CNTNAP2: variants seen among roughly 807,000 people sequenced by gnomAD.
CNTNAP2 encodes the protein contactin associated protein 2.
A neutral mutation model predicts 155.2 loss-of-function variants in CNTNAP2; 98 were observed. The ratio of observed to expected loss-of-function variants is 0.63; its 90% CI spans 0.54 to 0.75. The LOEUF (loss-of-function observed/expected upper bound fraction) is 0.75, where lower values mean the gene tolerates loss of function less well. CNTNAP2 is among the 30% of genes least tolerant of loss of function. CNTNAP2 has a pLI of 0.00. For synonymous variants in CNTNAP2, 651 were observed against 631.2 expected, an observed-to-expected ratio of 1.03 and a Z score of -0.47; for missense variants, 1,727 against 1,688.1, an observed-to-expected ratio of 1.02 and a Z score of -0.40.
chr7:146,154,944 AT>A (rs1260965256), intron 1 of CNTNAP2, among the ~76,000 whole-genome samples: 3 of 152,202 alleles, frequency 2.0e-5, no homozygotes, highest in African/African-American at 7.2e-5. Context: ...GAAATTGTAT[AT>A]CTGGGATTTG....
At chr7:146,433,963 G>A (rs1796207157) in intron 1 of CNTNAP2, among the ~76,000 whole-genome samples, 1 of 152,078 alleles carries the variant, frequency 6.6e-6, no homozygotes, top group Non-Finnish European at 1.5e-5. Flanking sequence ...TTGCTGGAAA[G>A]AAAATAATGG....
At chr7:147,918,717 A>G (rs1800206323) in intron 14 of CNTNAP2, among the ~76,000 whole-genome samples, 1 of 152,194 alleles carries the variant, frequency 6.6e-6, no homozygotes. Context: ...ACCCTTATGC[A>G]GGAGGAATAA....
chr7:148,010,309 C>T (rs1802054123), intron 15 of CNTNAP2, among the ~76,000 whole-genome samples: 1 of 151,494 alleles, frequency 6.6e-6, no homozygotes, highest in African/African-American at 2.4e-5. Context: ...TAATCTTTGT[C>T]TTGTCTTTTT....
chr7:148,267,078 G>T lies in CNTNAP2; in HGVS notation c.3427G>T (p.Asp1143Tyr). The T allele has an allele frequency of 6.2e-7, 1 of 1,614,148 alleles. No homozygotes were observed. Among genetic ancestry groups the T allele is most frequent in the Non-Finnish European group, 8.5e-7 (1 of 1,180,024 alleles). The change falls in exon 21 of 24, where the codon GAC becomes TAC. Residue 1143 changes from aspartate to tyrosine, a missense_variant. Transcript: ENST00000361727. ...SVSYHLPSSS[D>Y]TLFNSPKSLF... is the part of the protein sequence containing the mutation. ...GAGTTACCATCTGCCAAGTTCATCC[G>T]ACACCCTCTTCAATTCTCCCAAGTC...
chr7:147,984,302 G>GAACT (rs1801580771), intron 15 of CNTNAP2, among the ~76,000 whole-genome samples: 1 of 152,168 alleles, frequency 6.6e-6, no homozygotes, highest in African/African-American at 2.4e-5. Flanking sequence ...CTGTGACTTA[G>GAACT]AACTTCTAAC....
At chr7:147,317,656 T>C (rs541733234) in intron 9 of CNTNAP2, among the ~76,000 whole-genome samples, 44 of 152,248 alleles carry the variant, frequency 2.9e-4, no homozygotes, top group Middle Eastern at 3.4e-3. Flanking sequence ...TAAGGTCAGG[T>C]TCTTTAGTTT....
At chr7:147,981,651 C>G (rs577274369) in intron 15 of CNTNAP2, among the ~76,000 whole-genome samples, 1 of 152,278 alleles carries the variant, frequency 6.6e-6, no homozygotes, top group South Asian at 2.1e-4. Context: ...TTTCATCATG[C>G]CTGCTGAGTT....
intron 1 of CNTNAP2, among the ~76,000 whole-genome samples, chr7:146,570,961 T>C (rs1798431698): frequency 6.6e-6 from 1 of 152,114 alleles, no homozygotes; most frequent in Non-Finnish European, 1.5e-5. Context: ...AGAAAATACT[T>C]AGGTTCCACT....
intron 15 of CNTNAP2, among the ~76,000 whole-genome samples, chr7:148,075,224 G>A (rs1001416212): frequency 3.3e-5 from 5 of 152,142 alleles, no homozygotes; most frequent in African/African-American, 9.7e-5. Context: ...ATCACCTGAC[G>A]TTAGGAGTTC....
At chr7:146,572,348 C>T (rs1798455027) in intron 1 of CNTNAP2, among the ~76,000 whole-genome samples, 1 of 151,122 alleles carries the variant, frequency 6.6e-6, no homozygotes, top group East Asian at 2.0e-4. Flanking sequence ...GCAATGCCTC[C>T]TGAGTTTGAA....
chr7:146,457,540 A>G (rs143721542), intron 1 of CNTNAP2, among the ~76,000 whole-genome samples: 3,570 of 121,492 alleles, frequency 0.029, 173 homozygotes, highest in African/African-American at 0.083. Context: ...ATATATAGTC[A>G]CCCAGGCTGG....
chr7:148,107,390 C>T (rs2116591363), intron 15 of CNTNAP2, among the ~76,000 whole-genome samples: 1 of 152,286 alleles, frequency 6.6e-6, no homozygotes, highest in Admixed American at 6.5e-5. Flanking sequence ...ATGTTGTTGA[C>T]TCCTCCCGCA....
intron 15 of CNTNAP2, among the ~76,000 whole-genome samples, chr7:147,981,965 C>T (rs1218356711): frequency 1.3e-5 from 2 of 151,978 alleles, no homozygotes; most frequent in Non-Finnish European, 1.5e-5. Context: ...TTAAACTACA[C>T]GTACGCACCT....
intron 9 of CNTNAP2, among the ~76,000 whole-genome samples, chr7:147,384,451 C>G (rs756113982): frequency 9.9e-5 from 15 of 152,032 alleles, no homozygotes; most frequent in Non-Finnish European, 1.5e-5. Context: ...GTGAATTTAC[C>G]TTGCAGTGAG....
intron 21 of CNTNAP2, among the ~76,000 whole-genome samples, chr7:148,319,101 T>C (rs1279945528): frequency 1.2e-4 from 19 of 152,230 alleles, no homozygotes; most frequent in Admixed American, 1.2e-3. Context: ...CATTTGTCCA[T>C]GAGTGGAGTG....
intron 3 of CNTNAP2, among the ~76,000 whole-genome samples, chr7:146,918,454 G>A (rs1273428850): frequency 1.3e-5 from 2 of 152,100 alleles, no homozygotes; most frequent in Admixed American, 6.5e-5. Context: ...AGTTTCACTA[G>A]ATACACAATT....
intron 16 of CNTNAP2, among the ~76,000 whole-genome samples, chr7:148,145,134 C>T (rs747326144): frequency 2.6e-5 from 4 of 152,116 alleles, no homozygotes; most frequent in African/African-American, 4.8e-5. Flanking sequence ...GTGCTGACTT[C>T]ATAAATATTT....
At chr7:147,312,216 A>G (rs990957816) in intron 9 of CNTNAP2, among the ~76,000 whole-genome samples, 1 of 151,986 alleles carries the variant, frequency 6.6e-6, no homozygotes, top group African/African-American at 2.4e-5. Flanking sequence ...TTTCTCAAGT[A>G]ATGAAAAATA....
intron 1 of CNTNAP2, among the ~76,000 whole-genome samples, chr7:146,162,444 A>C (rs535010741): frequency 1.3e-5 from 2 of 152,346 alleles, no homozygotes; most frequent in African/African-American, 4.8e-5. Context: ...ATGCAAATCA[A>C]AACCACAATG....
Sources: gnomAD v4.1 joint callset for allele counts (sites outside exome capture counted in the v4.1 genomes callset) on GRCh38, gnomAD v4.1.1 for gene constraint, MANE v1.5 for transcripts, NCBI Gene and HGNC (gene_info 2026-07-23, HGNC 2026-07-21) for gene names.